Variants in GAK observed in about 807,000 individuals in gnomAD.
The protein encoded by GAK is cyclin G associated kinase.
GAK carries 79 observed loss-of-function variants against 143.9 expected under a neutral mutation model. That is an observed-to-expected ratio of 0.55 (90% CI 0.46 to 0.66). The LOEUF is 0.66. GAK is among the 30% of genes least tolerant of loss of function. The pLI, the probability that GAK is intolerant of heterozygous loss-of-function variation, is 0.00. For synonymous variants in GAK, 881 were observed against 765.5 expected (o/e 1.15, Z -2.49); for missense variants, 1,693 against 1,779.7 (o/e 0.95, Z 0.88).
intron 1 of GAK, among the ~76,000 whole-genome samples, chr4:919,890 C>T (rs1297358568): frequency 2.0e-5 from 3 of 152,220 alleles, no homozygotes; most frequent in South Asian, 4.1e-4. Flanking sequence ...ACGGCTCATG[C>T]CTGTAATCCC....
intron 7 of GAK, among the ~76,000 whole-genome samples, chr4:895,190 C>T (rs985248069): frequency 2.6e-5 from 4 of 152,172 alleles, no homozygotes; most frequent in African/African-American, 9.7e-5. Flanking sequence ...GTGTAGGGCA[C>T]AGGGCAGAAG....
At chr4:857,036 A>T (rs1368316091) in intron 24 of GAK, among the ~76,000 whole-genome samples, 2 of 152,242 alleles carry the variant, frequency 1.3e-5, no homozygotes, top group Non-Finnish European at 2.9e-5. Context: ...TTAATATGAT[A>T]TCAGATTAGT....
At chr4:909,689 T>G (rs1721702601) in intron 4 of GAK, among the ~76,000 whole-genome samples, 2 of 152,230 alleles carry the variant, frequency 1.3e-5, no homozygotes, top group African/African-American at 4.8e-5. Flanking sequence ...TCTTGACGTC[T>G]GCGACTTATT....
chr4:859,214 G>C (rs923080137), intron 24 of GAK: 3 of 1,183,226 alleles, frequency 2.5e-6, no homozygotes, highest in Non-Finnish European at 3.2e-6. Context: ...GGACTGGAGA[G>C]GGTGGGCTCG....
At chr4:876,943 G>A in intron 17 of GAK, 147 bp downstream of exon 17, 1 of 624,000 alleles carries the variant, frequency 1.6e-6, no homozygotes, top group South Asian at 1.9e-5. Context: ...GGGGCGCTGT[G>A]GGGCAGTCGC....
chr4:893,820 G>A lies in GAK; in HGVS notation c.877+54C>T, dbSNP rs892034320. 3.3e-6 allele frequency: 5 copies of A among 1,514,098 alleles called. No individual in the cohort carries two copies. The Admixed American group carries it at 6.2e-5, about 19-fold the overall frequency. The allele number at this position is 1,514,098 out of a possible 1,614,324, so 93.8% of individuals were successfully genotyped here. On this transcript the variant is annotated intron_variant, in intron 8 of 27. Transcript: ENST00000314167. ...AGGGGAGCGGGGTCTCCAGAGCCAC[G>A]CGGGGTCTGTGCTCCAGGGTCCTGC...
chr4:904,544 T>C lies in GAK; in HGVS notation c.525+93A>G, dbSNP rs1720705398. On this transcript the variant is annotated intron_variant, in intron 5 of 27. Transcript: ENST00000314167. ...CGCACACAGAGGCCTCAGCAGCCGC[T>C]ACCTTGAGGTCCCTGTGGATGATGG... is the stretch of plus-strand genomic sequence containing the variant. The C allele has an allele frequency of 5.8e-6, 7 of 1,206,876 alleles. No individual in the cohort carries two copies. The East Asian group carries it at 7.9e-5, about 14-fold the overall frequency. The allele number at this position is 1,206,876 out of a possible 1,614,324, so 74.8% of individuals were successfully genotyped here.
rs368206833 is a variant in GAK, at chr4:893,409, G to T, written c.958C>A (p.Arg320Ser). ...ATGGGAGACTTGGGGTTCACGTTGC[G>T]GGCGGCCGCGATCTCCTGCAGCTGG... Reference protein sequence around the residue: ...VHQLQEIAAARNVNPKSPITE... With the variant: ...VHQLQEIAAASNVNPKSPITE... The change falls in exon 9 of 28, where the codon CGC (arginine) becomes AGC (serine). Residue 320 changes from arginine (R) to serine (S), a missense_variant. Coordinates refer to ENST00000314167, the MANE Select transcript of GAK (RefSeq NM_005255.4). The T allele has an allele frequency of 6.3e-7, 1 of 1,588,790 alleles. No homozygotes were observed. Among genetic ancestry groups the T allele is most frequent in the Non-Finnish European group, 8.6e-7 (1 of 1,167,906 alleles).
In GAK at chr4:881,888, C is replaced by T. The variant is rs1268821839; in HGVS notation, c.1661+19G>A. 2 of 1,563,196 alleles carry T rather than the reference C, an allele frequency of 1.3e-6. No homozygotes were observed. Among genetic ancestry groups the T allele is most frequent in the Non-Finnish European group, 1.7e-6 (2 of 1,151,722 alleles). On this transcript the variant is annotated intron_variant, in intron 15 of 27. Coordinates refer to ENST00000314167, the MANE Select transcript of GAK (RefSeq NM_005255.4). The stretch of plus-strand genomic sequence containing the variant: ...GGGCCCACAGAGCTGTCCCCTGTCC[C>T]CGGAGGGCCACGCAGTACCTTTTGT...
rs146926083 is a variant in GAK at position 882,709 on chromosome 4, G to A, written c.1515C>T (p.Val505=). The part of the protein sequence containing the change: ...WLRQDHKNVC[V]VHCMDGRAAS... ...CCCTCGAGCTCACCATGCAGTGCAC[G>A]ACGCAGACGTTCTTGTGGTCCTGCC... Residue 505 remains valine, a synonymous_variant, in exon 14 of 28, where the codon GTC becomes GTT. Transcript: ENST00000314167. The A allele has an allele frequency of 2.7e-4, 434 of 1,612,298 alleles. 2 individuals carry two copies. In the African/African-American group the frequency reaches 4.9e-3, roughly 18 times the overall value.
At chr4:902,924 C>T (rs528011251) in intron 5 of GAK, among the ~76,000 whole-genome samples, 10 of 152,344 alleles carry the variant, frequency 6.6e-5, no homozygotes, top group Admixed American at 3.9e-4. Context: ...CTATAACAAA[C>T]ATTCAACTTC....
At chr4:870,601 TGCA>T in intron 19 of GAK, 107 bp downstream of exon 19, 1 of 1,119,394 alleles carries the variant, frequency 8.9e-7, no homozygotes, top group Non-Finnish European at 1.3e-6. Context: ...AGGGCCTGGG[TGCA>T]GCAGCAGGCG....
At chr4:883,254 C>G (rs1483278694) in intron 13 of GAK, 61 bp downstream of exon 13, 75 of 1,586,244 alleles carry the variant, frequency 4.7e-5, no homozygotes, top group Non-Finnish European at 6.1e-5. Flanking sequence ...CAGCTATGCC[C>G]CTGCACTGGA....
intron 3 of GAK, 28 bp downstream of exon 3, chr4:912,707 C>A: frequency 6.2e-7 from 1 of 1,602,796 alleles, no homozygotes; most frequent in Non-Finnish European, 8.5e-7. Context: ...AGCCACCGTG[C>A]TGGCTCCTGG....
chr4:875,912 G>A (rs1422308687), intron 18 of GAK, among the ~76,000 whole-genome samples: 2 of 152,230 alleles, frequency 1.3e-5, no homozygotes, highest in African/African-American at 2.4e-5. Context: ...TTGCACTCCG[G>A]CCTGGGCGTT....
rs1711983258 is a variant in GAK at position 869,574 on chromosome 4, G to A, written c.2249-889C>T. The A allele has an allele frequency of 5.0e-5, 3 of 59,538 alleles. 1 individual carries two copies. The highest frequency in any genetic ancestry group is 9.5e-5 in the Non-Finnish European group (3 of 31,576). The allele number at this position is 59,538 out of a possible 1,614,324, so 3.7% of individuals were successfully genotyped here. On this transcript the variant is annotated intron_variant, in intron 19 of 27. Transcript: ENST00000314167. ...TACACATGAATGCACACACACAGATGCACAGTACACACGAATGCACACACA... is the reference window on the plus strand; with the variant it reads ...TACACATGAATGCACACACACAGATACACAGTACACACGAATGCACACACA...
In GAK at chr4:851,739, G is replaced by A. The variant is rs780799062; in HGVS notation, c.3508+11C>T. 5.0e-6 allele frequency: 8 copies of A among 1,610,496 alleles called. No homozygotes were observed. The African/African-American group carries it at 5.3e-5, about 11-fold the overall frequency. On this transcript the variant is annotated intron_variant, in intron 25 of 27. Transcript: ENST00000314167. ...TGCAAACTCCACAGCAACAGAGAGT[G>A]GGGGACTCACCAAAGCTGGGTGCGC...
At chr4:925,625 A>G (rs1724590613) in intron 1 of GAK, among the ~76,000 whole-genome samples, 1 of 152,206 alleles carries the variant, frequency 6.6e-6, no homozygotes, top group African/African-American at 2.4e-5. Context: ...TGATGGTGTT[A>G]GGAGGTGGGG....
chr4:882,063 G>A (rs377188295), intron 14 of GAK, 23 bp from the exon 15 acceptor site: 29 of 1,582,530 alleles, frequency 1.8e-5, no homozygotes, highest in Admixed American at 3.5e-5. Flanking sequence ...GACACGTCTC[G>A]CGTGCGCCTC....
Sources: gnomAD v4.1 joint callset for allele counts (sites outside exome capture counted in the v4.1 genomes callset) on GRCh38, gnomAD v4.1.1 for gene constraint, MANE v1.5 for transcripts, NCBI Gene and HGNC (gene_info 2026-07-23, HGNC 2026-07-21) for gene names.